Variants in CCDC180 observed in about 807,000 individuals in gnomAD.
CCDC180 encodes coiled-coil domain-containing protein 180.
In CCDC180, 154 loss-of-function variants were observed where a neutral mutation model predicts 209.2. The observed-to-expected ratio is 0.74, with a 90% CI of 0.65 to 0.84. The LOEUF is 0.84. Among genes scored for constraint, CCDC180 ranks in the 40% least tolerant of loss-of-function variants. The pLI, the probability that CCDC180 is intolerant of heterozygous loss-of-function variation, is 0.00. For synonymous variants in CCDC180, 778 were observed against 749.1 expected (o/e 1.04, Z -0.63); for missense variants, 1,874 against 1,997.3 (o/e 0.94, Z 1.18).
Position 97,318,392 on chromosome 9 carries a change from TC to T in CCDC180, c.960-70del, listed in dbSNP as rs1345478356. 5 of 1,571,572 alleles carry T rather than the reference TC, an allele frequency of 3.2e-6. No individual in the cohort carries two copies. In the African/African-American group the frequency reaches 6.8e-5, roughly 21 times the overall value. The stretch of plus-strand genomic sequence containing the variant: ...AGGCTCTGAATGCTGTCACCATGGT[TC>T]TCTTTCCCTCTCTCACTCCTGCCCT... On this transcript the variant is annotated intron_variant, in intron 9 of 36. Coordinates refer to ENST00000529487, the MANE Select transcript of CCDC180 (RefSeq NM_020893.6).
At chr9:97,349,410 T>A (rs912965710) in intron 21 of CCDC180, 119 bp downstream of exon 21, 2 of 803,508 alleles carry the variant, frequency 2.5e-6, no homozygotes, top group African/African-American at 3.5e-5. Context: ...CTCCAGAGCC[T>A]TCTTTTGAGT....
chr9:97,310,583 A>G, intron 3 of CCDC180, among the ~76,000 whole-genome samples: 1 of 151,142 alleles, frequency 6.6e-6, no homozygotes, highest in Non-Finnish European at 1.5e-5. Flanking sequence ...TGCTCCCCTT[A>G]GGCACTTTGA....
chr9:97,332,413 T>G (rs936284698), intron 18 of CCDC180, among the ~76,000 whole-genome samples: 6 of 152,200 alleles, frequency 3.9e-5, no homozygotes, highest in Admixed American at 1.3e-4. Context: ...AAGAATGTCA[T>G]TAGTAGTTTG....
chr9:97,317,902 A>G (rs887908376), intron 9 of CCDC180, among the ~76,000 whole-genome samples: 1 of 152,224 alleles, frequency 6.6e-6, no homozygotes, highest in East Asian at 1.9e-4. Context: ...TACTGCATGG[A>G]AAGTGCCTAT....
intron 18 of CCDC180, among the ~76,000 whole-genome samples, chr9:97,332,596 G>T (rs1190053880): frequency 1.3e-5 from 2 of 152,066 alleles, no homozygotes; most frequent in Non-Finnish European, 2.9e-5. Context: ...TTACCTCCTG[G>T]TTAGCTGTAT....
chr9:97,328,246 A>G lies in CCDC180; in HGVS notation c.1788+100A>G, dbSNP rs959567860. On this transcript the variant is annotated intron_variant, in intron 16 of 36. Transcript: ENST00000529487. ...GCCTAGACTTTGAAAGCCATTCCTA[A>G]TGCTGCAGAGTTCAAATCAATGCAA... 6.0e-6 allele frequency: 8 copies of G among 1,339,872 alleles called. No individual in the cohort carries two copies. In the Admixed American group the frequency reaches 9.1e-5, roughly 15 times the overall value. The allele number at this position is 1,339,872 out of a possible 1,614,324, so 83.0% of individuals were successfully genotyped here. A position where few individuals can be genotyped will look rare whatever the true frequency, so the allele number is the denominator to read the frequency against.
intron 21 of CCDC180, among the ~76,000 whole-genome samples, chr9:97,350,145 G>T (rs1826381180): frequency 6.6e-6 from 1 of 152,034 alleles, no homozygotes; most frequent in African/African-American, 2.4e-5. Context: ...TTCAGGCCCA[G>T]GTCACCACCC....
At chr9:97,331,329 G>T (rs7868299) in intron 18 of CCDC180, among the ~76,000 whole-genome samples, 1 of 152,136 alleles carries the variant, frequency 6.6e-6, no homozygotes, top group African/African-American at 2.4e-5. Context: ...GTCAATGGGC[G>T]TTTAGGTTGA....
rs1202611211 is a variant in CCDC180 at position 97,307,679 on chromosome 9, C to G, written c.-209C>G. On this transcript the variant is annotated 5_prime_UTR_variant, in exon 1 of 37. Coordinates refer to ENST00000529487, the MANE Select transcript of CCDC180 (RefSeq NM_020893.6). Reference sequence around the variant, plus strand: ...ACCTTGAGCGCCGTTAACTTTTCCCCGAAGAGCATGGCAGAGTGAAGCACA... The same window carrying G: ...ACCTTGAGCGCCGTTAACTTTTCCCGGAAGAGCATGGCAGAGTGAAGCACA... 10 of 1,554,136 alleles carry G rather than the reference C, an allele frequency of 6.4e-6. No homozygotes were observed. The highest frequency in any genetic ancestry group is 1.7e-4 in the Middle Eastern group (1 of 5,932).
chr9:97,348,284 C>T (rs546933949), intron 20 of CCDC180, among the ~76,000 whole-genome samples: 1 of 152,242 alleles, frequency 6.6e-6, no homozygotes, highest in East Asian at 1.9e-4. Flanking sequence ...TGCAAGTTGA[C>T]AACTGGCCTT....
At position 97,358,723 on chromosome 9, in the gene CCDC180, C is replaced by T. The variant is rs538569917; in HGVS notation, c.3363+998C>T. Among the ~76,000 whole-genome samples, 8 of 152,244 alleles carry T rather than the reference C, an allele frequency of 5.3e-5. No homozygotes were observed. In the South Asian group the frequency reaches 6.2e-4, roughly 12 times the overall value. ...CTCAACTCAGTCTCCCCTGGCCTGT[C>T]GCCCAGGCCACACCAGGGAACCATT... On this transcript the variant is annotated intron_variant, in intron 25 of 36. Coordinates refer to ENST00000529487, the MANE Select transcript of CCDC180 (RefSeq NM_020893.6).
At chr9:97,374,496 C>G (rs762695435) in intron 34 of CCDC180, 47 bp from the exon 35 acceptor site, 1 of 1,445,590 alleles carries the variant, frequency 6.9e-7, no homozygotes, top group Non-Finnish European at 9.7e-7. Flanking sequence ...CCCTCGATCT[C>G]AGGCTGTCGG....
At position 97,362,508 on chromosome 9, in the gene CCDC180, C is replaced by G. The variant is rs1384125887; in HGVS notation, c.3902+67C>G. 1.1e-5 allele frequency: 17 copies of G among 1,559,070 alleles called. No homozygotes were observed. The East Asian group carries it at 3.8e-4, about 35-fold the overall frequency. On this transcript the variant is annotated intron_variant, in intron 28 of 36. Coordinates refer to ENST00000529487, the MANE Select transcript of CCDC180 (RefSeq NM_020893.6). ...CCCCCCACACAAAGGCAGGAGATGA[C>G]CTATGGCTTTCCCAGGCTTTTCCTC...
In CCDC180 at chr9:97,330,124, CCT is replaced by C. The variant is rs895521789; in HGVS notation, c.1789-29_1789-28del. The C allele has an allele frequency of 1.9e-6, 3 of 1,590,370 alleles. No homozygotes were observed. The African/African-American group carries it at 4.1e-5, about 22-fold the overall frequency. ...CACTCTGAAGAAAGGCAGTGCAGGT[CCT>C]TCAGTGACTCTTGGTTTTTCCTTGT... On this transcript the variant is annotated intron_variant, in intron 16 of 36. Coordinates refer to ENST00000529487, the MANE Select transcript of CCDC180 (RefSeq NM_020893.6).
At chr9:97,342,301 A>G (rs1826109845) in intron 18 of CCDC180, among the ~76,000 whole-genome samples, 1 of 152,138 alleles carries the variant, frequency 6.6e-6, no homozygotes, top group African/African-American at 2.4e-5. Flanking sequence ...CTATTTGGCC[A>G]TCTTGGAATG....
intron 28 of CCDC180, chr9:97,363,634 C>T: frequency 1.9e-6 from 1 of 532,950 alleles, no homozygotes; most frequent in Non-Finnish European, 3.9e-6. Flanking sequence ...ATGTGATACA[C>T]TAATGCTGAA....
intron 22 of CCDC180, 75 bp downstream of exon 22, chr9:97,350,630 A>C (rs1432716690): frequency 2.7e-6 from 4 of 1,460,306 alleles, no homozygotes; most frequent in Admixed American, 4.6e-5. Flanking sequence ...TTCCCCCTTA[A>C]TTTTTAGTTT....
In CCDC180 at chr9:97,349,504, T is replaced by C. The variant is rs1449146425; in HGVS notation, c.2855+213T>C. On this transcript the variant is annotated intron_variant, in intron 21 of 36. Coordinates refer to ENST00000529487, the MANE Select transcript of CCDC180 (RefSeq NM_020893.6). ...GAGTGAGCAGCCAGAGAGCAAAGTA[T>C]ATGCACAGGCAGCATGCAAGGGTGC... 2.0e-5 allele frequency among the ~76,000 whole-genome samples: 3 copies of C among 152,168 alleles called. 1 individual carries two copies. Among genetic ancestry groups the C allele is most frequent in the South Asian group, 4.1e-4 (2 of 4,828 alleles).
intron 18 of CCDC180, among the ~76,000 whole-genome samples, chr9:97,333,335 T>G (rs963519638): frequency 6.6e-6 from 1 of 152,126 alleles, no homozygotes; most frequent in Non-Finnish European, 1.5e-5. Flanking sequence ...TTTCTTTGTT[T>G]GTTGTGTTTC....
Sources: allele counts gnomAD v4.1 joint callset (sites outside exome capture counted in the v4.1 genomes callset), GRCh38; gene constraint gnomAD v4.1.1; transcripts MANE v1.5; gene names NCBI Gene and HGNC (gene_info 2026-07-23, HGNC 2026-07-21).